The following UNC13C variants were observed in gnomAD, a reference collection of about 807,000 sequenced individuals.
UNC13C encodes unc-13 homolog C.
UNC13C carries 174 observed loss-of-function variants against 245.4 expected under a neutral mutation model. The ratio of observed to expected loss-of-function variants is 0.71; its 90% CI spans 0.63 to 0.80. The LOEUF (loss-of-function observed/expected upper bound fraction) is 0.80, where lower values mean the gene tolerates loss of function less well. UNC13C is among the 30% of genes least tolerant of loss of function. The probability of loss-of-function intolerance (pLI) is 0.00; values close to 1 mark genes in which losing one functional copy is unlikely to be tolerated. For missense variants in UNC13C, 2,829 were observed against 2,602.9 expected (o/e 1.09, Z -1.89); for synonymous variants, 992 against 895.1 (o/e 1.11, Z -1.93).
At chr15:53,874,722 C>T in the UNC13C span, among the ~76,000 whole-genome samples, 1 of 152,202 alleles carries the variant, frequency 6.6e-6, no homozygotes, top group Admixed American at 6.5e-5. Flanking sequence ...TCCTTTGAAA[C>T]TTATACCAGG....
At chr15:54,346,062 A>G (rs1436101218) in intron 17 of UNC13C, among the ~76,000 whole-genome samples, 1 of 152,076 alleles carries the variant, frequency 6.6e-6, no homozygotes, top group African/African-American at 2.4e-5. Flanking sequence ...ATACCCTGAC[A>G]TGTCACCACC....
At chr15:53,870,620 A>T in the UNC13C span, among the ~76,000 whole-genome samples, 1 of 152,128 alleles carries the variant, frequency 6.6e-6, no homozygotes, top group East Asian at 1.9e-4. Flanking sequence ...GGCTTCTGTT[A>T]CAGCAATTGA....
intron 2 of UNC13C, among the ~76,000 whole-genome samples, chr15:54,089,719 T>G (rs1296652219): frequency 6.6e-6 from 1 of 151,882 alleles, no homozygotes; most frequent in Non-Finnish European, 1.5e-5. Flanking sequence ...TTTGATGCAC[T>G]TCACCTTTGG....
chr15:54,407,269 G>A (rs759347433), intron 18 of UNC13C, among the ~76,000 whole-genome samples: 4 of 152,050 alleles, frequency 2.6e-5, no homozygotes, highest in Non-Finnish European at 1.5e-5. Flanking sequence ...TGAAGGTAAC[G>A]ACTTGAATTA....
chr15:54,510,608 A>G (rs1318990089), intron 23 of UNC13C, among the ~76,000 whole-genome samples: 1 of 152,198 alleles, frequency 6.6e-6, no homozygotes, highest in Non-Finnish European at 1.5e-5. Context: ...AATCAAAGTG[A>G]TGATGTGGTC....
chr15:54,311,864 A>G (rs1046846903), intron 13 of UNC13C, among the ~76,000 whole-genome samples: 2 of 151,830 alleles, frequency 1.3e-5, no homozygotes, highest in African/African-American at 2.4e-5. Context: ...TTTAAAGTTT[A>G]TGTAGTTTTC....
Position 54,477,793 on chromosome 15 carries a change from G to A in UNC13C, c.4934-16815G>A, listed in dbSNP as rs866852594. On this transcript the variant is annotated intron_variant, in intron 19 of 32. Transcript: ENST00000260323. ...CTCTTTTTTGGTTGTGTCTCTGCCCGGCTTTGGTATCAGGATGATGCTGGC... is the reference window on the plus strand; with the variant it reads ...CTCTTTTTTGGTTGTGTCTCTGCCCAGCTTTGGTATCAGGATGATGCTGGC... 1.5e-3 allele frequency among the ~76,000 whole-genome samples: 217 copies of A among 148,422 alleles called. 1 individual carries two copies. The highest frequency in any genetic ancestry group is 4.8e-3 in the African/African-American group (194 of 40,120).
At chr15:54,220,434 TG>T (rs1225457110) in intron 4 of UNC13C, among the ~76,000 whole-genome samples, 1 of 89,922 alleles carries the variant, frequency 1.1e-5, no homozygotes, top group Non-Finnish European at 2.1e-5. Context: ...CATCACACTC[TG>T]GGGACTGTTG....
intron 22 of UNC13C, among the ~76,000 whole-genome samples, chr15:54,505,346 G>C (rs1894425510): frequency 6.6e-6 from 1 of 152,110 alleles, no homozygotes; most frequent in African/African-American, 2.4e-5. Flanking sequence ...TTAAGATAGT[G>C]GTTCTCAAAC....
the UNC13C span, among the ~76,000 whole-genome samples, chr15:53,896,409 T>G: frequency 2.0e-5 from 3 of 152,204 alleles, no homozygotes; most frequent in Non-Finnish European, 4.4e-5. Context: ...AGTCAATTTT[T>G]CTGAGCTTGT....
At chr15:53,958,994 A>G in the UNC13C span, among the ~76,000 whole-genome samples, 2 of 151,904 alleles carry the variant, frequency 1.3e-5, no homozygotes, top group Admixed American at 6.6e-5. Context: ...TCTTCCTTCT[A>G]CCTCCATGAG....
intron 26 of UNC13C, among the ~76,000 whole-genome samples, chr15:54,537,987 AC>A (rs1896060411): frequency 1.3e-5 from 2 of 151,632 alleles, no homozygotes; most frequent in Non-Finnish European, 3.0e-5. Flanking sequence ...AAAAAATAGG[AC>A]TAATTAAAGA....
chr15:54,042,417 C>T (rs1181289756), intron 2 of UNC13C, among the ~76,000 whole-genome samples: 2 of 152,104 alleles, frequency 1.3e-5, no homozygotes, highest in Non-Finnish European at 2.9e-5. Flanking sequence ...CTGCTAAGAA[C>T]AAAAGTTATC....
chr15:54,493,411 T>C (rs947469429), intron 19 of UNC13C, among the ~76,000 whole-genome samples: 1 of 152,086 alleles, frequency 6.6e-6, no homozygotes, highest in Non-Finnish European at 1.5e-5. Flanking sequence ...TCTCTCTCTC[T>C]TTCTGTCTGC....
intron 4 of UNC13C, among the ~76,000 whole-genome samples, chr15:54,212,987 A>G (rs1357784626): frequency 6.6e-6 from 1 of 152,116 alleles, no homozygotes; most frequent in East Asian, 1.9e-4. Flanking sequence ...GATTAGAGAC[A>G]TAATGAATCT....
intron 4 of UNC13C, among the ~76,000 whole-genome samples, chr15:54,200,397 T>G (rs1197337159): frequency 6.6e-6 from 1 of 152,072 alleles, no homozygotes; most frequent in Non-Finnish European, 1.5e-5. Flanking sequence ...CATCAGCACA[T>G]GGAACATTCT....
At chr15:54,130,665 C>T (rs1472127187) in intron 2 of UNC13C, among the ~76,000 whole-genome samples, 1 of 152,116 alleles carries the variant, frequency 6.6e-6, no homozygotes, top group East Asian at 1.9e-4. Context: ...TCTGAACCTA[C>T]ATCTGTATTT....
At chr15:54,088,126 TG>T (rs1412044245) in intron 2 of UNC13C, among the ~76,000 whole-genome samples, 1 of 151,892 alleles carries the variant, frequency 6.6e-6, no homozygotes, top group East Asian at 1.9e-4. Flanking sequence ...CTATATTTTT[TG>T]TATCAACTGA....
chr15:54,282,274 C>A (rs1338772889), intron 10 of UNC13C, among the ~76,000 whole-genome samples: 2 of 152,104 alleles, frequency 1.3e-5, no homozygotes, highest in African/African-American at 4.8e-5. Flanking sequence ...CATACATATA[C>A]ACATACATAT....
Sources: gnomAD v4.1 joint callset for allele counts (sites outside exome capture counted in the v4.1 genomes callset) on GRCh38, gnomAD v4.1.1 for gene constraint, MANE v1.5 for transcripts, NCBI Gene and HGNC (gene_info 2026-07-23, HGNC 2026-07-21) for gene names.